Variants in GPM6A observed in about 807,000 individuals in gnomAD.
GPM6A encodes glycoprotein M6A.
GPM6A carries 7 observed loss-of-function variants against 32.1 expected under a neutral mutation model. The observed-to-expected ratio is 0.22, with a 90% CI of 0.12 to 0.41. GPM6A has a LOEUF of 0.41. Among genes scored for constraint, GPM6A ranks in the 10% least tolerant of loss-of-function variants. The pLI is 1.00. For missense variants in GPM6A, 235 were observed against 347.2 expected, an observed-to-expected ratio of 0.68 and a Z score of 2.57; for synonymous variants, 130 against 123.4, an observed-to-expected ratio of 1.05 and a Z score of -0.35.
intron 1 of GPM6A, among the ~76,000 whole-genome samples, chr4:175,825,390 A>G (rs1735401780): frequency 6.6e-6 from 1 of 152,324 alleles, no homozygotes; most frequent in East Asian, 1.9e-4. Flanking sequence ...TTATATATTG[A>G]GTGCTTACCA....
intron 1 of GPM6A, among the ~76,000 whole-genome samples, chr4:175,805,510 T>G (rs1253992344): frequency 1.3e-5 from 2 of 152,206 alleles, no homozygotes; most frequent in African/African-American, 4.8e-5. Context: ...TCTTTTATGT[T>G]TCTAGCATCA....
chr4:175,659,683 T>A (rs1742291219), intron 3 of GPM6A, among the ~76,000 whole-genome samples: 1 of 152,204 alleles, frequency 6.6e-6, no homozygotes, highest in African/African-American at 2.4e-5. Flanking sequence ...CAGAGTTATT[T>A]TATTACCAGT....
intron 1 of GPM6A, among the ~76,000 whole-genome samples, chr4:175,749,070 T>G (rs1732216495): frequency 6.6e-6 from 1 of 152,108 alleles, no homozygotes; most frequent in Admixed American, 6.6e-5. Flanking sequence ...TTCTGGGAGT[T>G]GGATAGGAAA....
At chr4:175,659,234 C>T (rs777642537) in intron 3 of GPM6A, among the ~76,000 whole-genome samples, 25 of 151,896 alleles carry the variant, frequency 1.6e-4, no homozygotes, top group Admixed American at 1.3e-4. Flanking sequence ...AGGTGCACGC[C>T]GCAGCACATG....
At chr4:175,659,000 AG>A (rs1742246684) in intron 3 of GPM6A, among the ~76,000 whole-genome samples, 1 of 152,168 alleles carries the variant, frequency 6.6e-6, no homozygotes, top group African/African-American at 2.4e-5. Context: ...AGTGAGTGTA[AG>A]GGCTGAAAAT....
chr4:175,868,511 A>G (rs1283252877), intron 1 of GPM6A, among the ~76,000 whole-genome samples: 1 of 152,130 alleles, frequency 6.6e-6, no homozygotes, highest in Non-Finnish European at 1.5e-5. Context: ...ACACATTTTG[A>G]CAAATGTTTT....
At chr4:175,755,553 T>C (rs1236027050) in intron 1 of GPM6A, among the ~76,000 whole-genome samples, 1 of 152,124 alleles carries the variant, frequency 6.6e-6, no homozygotes, top group Non-Finnish European at 1.5e-5. Context: ...AAATAGGAAA[T>C]AAGAAAAACT....
rs958962917 is a variant in GPM6A, at chr4:175,804,781, C to T, written c.37+7410G>A. Among the ~76,000 whole-genome samples the T allele has an allele frequency of 2.0e-5, 3 of 152,184 alleles. No individual in the cohort carries two copies. In the South Asian group the frequency reaches 6.2e-4, roughly 32 times the overall value. ...TGAAAGTGGGCCGGGCTCGGTGGCT[C>T]ACGCCTGTAATCCCAGCACTTTGGG... On this transcript the variant is annotated intron_variant, in intron 1 of 6. Coordinates refer to ENST00000393658, the MANE Select transcript of GPM6A (RefSeq NM_201591.3).
intron 1 of GPM6A, among the ~76,000 whole-genome samples, chr4:175,984,380 G>T (rs1740909374): frequency 6.6e-6 from 1 of 152,040 alleles, no homozygotes; most frequent in Non-Finnish European, 1.5e-5. Flanking sequence ...AGCCAGGATG[G>T]TCTTGATCTC....
At chr4:175,962,505 T>C in intron 1 of GPM6A, 1 of 547,542 alleles carries the variant, frequency 1.8e-6, no homozygotes, top group South Asian at 1.6e-5. Context: ...TGCCTATCAC[T>C]TCCCAGCAGT....
At chr4:175,964,035 GA>G (rs200974389) in intron 1 of GPM6A, among the ~76,000 whole-genome samples, 8 of 144,108 alleles carry the variant, frequency 5.6e-5, no homozygotes, top group African/African-American at 1.0e-4. Context: ...TAAGAGAGAA[GA>G]AAAAAAAATC....
chr4:175,903,086 C>T (rs370419509), intron 1 of GPM6A, among the ~76,000 whole-genome samples: 3 of 152,022 alleles, frequency 2.0e-5, no homozygotes, highest in African/African-American at 2.4e-5. Flanking sequence ...AAAGAAACCA[C>T]GGCTCCTTAG....
intron 1 of GPM6A, among the ~76,000 whole-genome samples, chr4:175,948,506 T>C (rs902095849): frequency 2.0e-5 from 3 of 152,212 alleles, no homozygotes; most frequent in Non-Finnish European, 2.9e-5. Flanking sequence ...CAGTCTATTG[T>C]ATTGTGTTAC....
intron 1 of GPM6A, chr4:175,790,343 A>G (rs1579503623): frequency 6.6e-6 from 1 of 152,284 alleles, no homozygotes; most frequent in South Asian, 2.1e-4. Flanking sequence ...CTTTCTGTCA[A>G]CAAATTCACC....
At chr4:175,933,666 C>T (rs2126318463) in intron 1 of GPM6A, among the ~76,000 whole-genome samples, 1 of 152,216 alleles carries the variant, frequency 6.6e-6, no homozygotes, top group South Asian at 2.1e-4. Flanking sequence ...CCTCAGCCTC[C>T]CGAATAGCTG....
At chr4:175,693,852 T>G (rs1177916110) in intron 2 of GPM6A, among the ~76,000 whole-genome samples, 1 of 152,160 alleles carries the variant, frequency 6.6e-6, no homozygotes, top group East Asian at 1.9e-4. Context: ...TGGAGCCTGG[T>G]GGGAGGTGGT....
chr4:175,650,500 T>C (rs1191882764), intron 4 of GPM6A, among the ~76,000 whole-genome samples: 2 of 152,052 alleles, frequency 1.3e-5, no homozygotes, highest in Non-Finnish European at 2.9e-5. Context: ...AGACAGGATT[T>C]CACTATGTTG....
chr4:175,964,430 T>C (rs978456425), intron 1 of GPM6A, among the ~76,000 whole-genome samples: 4 of 152,208 alleles, frequency 2.6e-5, no homozygotes, highest in African/African-American at 9.6e-5. Context: ...AAGTACCACA[T>C]TGACTGGGTG....
intron 1 of GPM6A, among the ~76,000 whole-genome samples, chr4:176,001,347 G>C (rs1741474102): frequency 6.6e-6 from 1 of 152,126 alleles, no homozygotes; most frequent in South Asian, 2.1e-4. Context: ...AACGCAGTCG[G>C]CAACCGCGGA....
Sources: gnomAD v4.1 joint callset for allele counts (sites outside exome capture counted in the v4.1 genomes callset) on GRCh38, gnomAD v4.1.1 for gene constraint, MANE v1.5 for transcripts, NCBI Gene and HGNC (gene_info 2026-07-23, HGNC 2026-07-21) for gene names.